Variants in PHACTR2 observed in about 807,000 individuals in gnomAD.
The protein encoded by PHACTR2 is chromosome 6 open reading frame 56.
In PHACTR2, 30 loss-of-function variants were observed where a neutral mutation model predicts 76.0. The ratio of observed to expected loss-of-function variants is 0.39; its 90% confidence interval spans 0.30 to 0.54. PHACTR2 has a LOEUF of 0.54. PHACTR2 is among the 20% of genes least tolerant of loss of function. PHACTR2 has a pLI of 0.61. For synonymous variants in PHACTR2, 292 were observed against 292.5 expected (o/e 1.00, Z 0.02); for missense variants, 696 against 781.1 (o/e 0.89, Z 1.30).
At chr6:143,673,347 C>G (rs563963131), upstream of PHACTR2, among the ~76,000 whole-genome samples, 4 of 151,440 alleles carry the variant, frequency 2.6e-5, no homozygotes, top group South Asian at 2.1e-4. Context: ...TTTGTCCATA[C>G]TTGGAAGTTA....
intron 1 of PHACTR2, among the ~76,000 whole-genome samples, chr6:143,573,180 C>T (rs1775467627): frequency 6.6e-6 from 1 of 152,120 alleles, no homozygotes; most frequent in African/African-American, 2.4e-5. Context: ...GTTGAAAATG[C>T]CTTAGTGTTA....
chr6:143,622,553 G>T (rs1048583330), intron 1 of PHACTR2, among the ~76,000 whole-genome samples: 4 of 152,116 alleles, frequency 2.6e-5, no homozygotes, highest in African/African-American at 9.7e-5. Context: ...CCAAGCTACA[G>T]AATGTTCTAT....
rs553339779 is a variant in PHACTR2 at position 143,824,628 on chromosome 6, T to C, written c.*939T>C. 2.0e-5 allele frequency: 3 copies of C among 152,742 alleles called. No homozygotes were observed. The highest frequency in any genetic ancestry group is 7.2e-5 in the African/African-American group (3 of 41,564). 9.5% of individuals were successfully genotyped at this position (152,742 alleles called of 1,614,324 possible). On this transcript the variant is annotated 3_prime_UTR_variant, in exon 13 of 13. Transcript: ENST00000440869. This position sits in a 1 kb window ranked among gnomAD's most constrained non-coding sequence, Gnocchi z 6.3. ...ATACTTCACCTAGAGAAGACAGTATTGGCAATCATGACACCTGTAATAAAA... is the reference window on the plus strand; with the variant it reads ...ATACTTCACCTAGAGAAGACAGTATCGGCAATCATGACACCTGTAATAAAA...
intron 6 of PHACTR2, among the ~76,000 whole-genome samples, chr6:143,770,214 C>A (rs182282202): frequency 2.6e-5 from 4 of 152,218 alleles, no homozygotes; most frequent in Admixed American, 2.0e-4. Context: ...AATGAAGGAA[C>A]CTTGAAGACA....
At chr6:143,542,155 T>C (rs1584049305) in intron 1 of PHACTR2, among the ~76,000 whole-genome samples, 1 of 152,200 alleles carries the variant, frequency 6.6e-6, no homozygotes, top group Non-Finnish European at 1.5e-5. Flanking sequence ...CAGGTGCTGG[T>C]GGGCTCAGGT....
In PHACTR2 at chr6:143,589,672, T is replaced by G. The variant is rs1412581942; in HGVS notation, c.217+52465T>G. 6.6e-6 allele frequency among the ~76,000 whole-genome samples: 1 copy of G among 152,166 alleles called. No homozygotes were observed. The highest frequency in any genetic ancestry group is 1.9e-4 in the East Asian group (1 of 5,190). On this transcript the variant is annotated intron_variant, in intron 1 of 11. Coordinates refer to the PHACTR2 transcript ENST00000367584. The surrounding 1 kb of genome is among the most constrained non-coding windows in gnomAD (Gnocchi z 4.4). Reference sequence around the variant, plus strand: ...CCAGCCAGATTGAAGTGGGGCTCACTCTAACAGCTTCATTTTAATACCATC... The same window carrying G: ...CCAGCCAGATTGAAGTGGGGCTCACGCTAACAGCTTCATTTTAATACCATC...
chr6:143,801,735 C>G lies in PHACTR2; in HGVS notation c.1846-5322C>G, dbSNP rs1450218546. 6.6e-6 allele frequency among the ~76,000 whole-genome samples: 1 copy of G among 152,138 alleles called. No individual in the cohort carries two copies. Among genetic ancestry groups the G allele is most frequent in the Non-Finnish European group, 1.5e-5 (1 of 68,030 alleles). ...AACTCATTCTCCGTCCAGTTTTGTT[C>G]CCTTGCTGGCGAGGAGTTGTGATCC... On this transcript the variant is annotated intron_variant, in intron 11 of 12. Coordinates refer to ENST00000440869, the MANE Select transcript of PHACTR2 (RefSeq NM_001100164.2). This position sits in a 1 kb window ranked among gnomAD's most constrained non-coding sequence, Gnocchi z 4.6.
rs1274022841 is a variant in PHACTR2, at chr6:143,571,905, TG to T, written c.217+34701del. ...TCTTGGAAAATTAATATTTACCATA[TG>T]GGAGATCTCTATGTAGGAGATATTA... is the stretch of plus-strand genomic sequence containing the variant. On this transcript the variant is annotated intron_variant, in intron 1 of 11. Coordinates refer to the PHACTR2 transcript ENST00000367584. The surrounding 1 kb of genome is among the most constrained non-coding windows in gnomAD (Gnocchi z 4.6). Among the ~76,000 whole-genome samples the T allele has an allele frequency of 6.6e-6, 1 of 152,214 alleles. No homozygotes were observed. The highest frequency in any genetic ancestry group is 1.5e-5 in the Non-Finnish European group (1 of 68,044).
chr6:143,781,199 C>T lies in PHACTR2; in HGVS notation c.1646-2020C>T, dbSNP rs545398939. 4.6e-5 allele frequency among the ~76,000 whole-genome samples: 7 copies of T among 152,294 alleles called. No individual in the cohort carries two copies. In the South Asian group the frequency reaches 1.5e-3, roughly 32 times the overall value. ...TCGTCCTCTAACTTCACTAAAAGTA[C>T]AATTTTGAACATGGAAAACTTAAAG... On this transcript the variant is annotated intron_variant, in intron 9 of 12. Transcript: ENST00000440869.
chr6:143,771,090 A>T (rs1775090099), intron 6 of PHACTR2, among the ~76,000 whole-genome samples: 1 of 139,318 alleles, frequency 7.2e-6, no homozygotes, highest in Non-Finnish European at 1.6e-5. Context: ...TACTATTTAC[A>T]TATTGGGATA....
intron 1 of PHACTR2, among the ~76,000 whole-genome samples, chr6:143,668,838 T>G (rs1777094653): frequency 6.6e-6 from 1 of 152,326 alleles, no homozygotes; most frequent in South Asian, 2.1e-4. Context: ...GATTCATTTA[T>G]TTTTTGAAGG....
chr6:143,711,572 TTA>T (rs1368465402), intron 1 of PHACTR2, among the ~76,000 whole-genome samples: 1 of 152,246 alleles, frequency 6.6e-6, no homozygotes, highest in Non-Finnish European at 1.5e-5. Context: ...GCACCAAATT[TTA>T]TTTTGTGAAT....
Position 143,618,198 on chromosome 6 carries a change from G to A in PHACTR2, c.13+9876G>A, listed in dbSNP as rs1380742541. On this transcript the variant is annotated intron_variant, in intron 1 of 11. Coordinates refer to the PHACTR2 transcript ENST00000305766. This position sits in a 1 kb window ranked among gnomAD's most constrained non-coding sequence, Gnocchi z 5.2. ...TGTATCCATGTGACTTACCACAGGC[G>A]CCCTGCTTTTTAGTGATAGAGAAAT... Among the ~76,000 whole-genome samples, 1 of 151,120 alleles carries A rather than the reference G, an allele frequency of 6.6e-6. No homozygotes were observed. The highest frequency in any genetic ancestry group is 1.5e-5 in the Non-Finnish European group (1 of 67,964).
chr6:143,665,722 C>T (rs966199868), intron 1 of PHACTR2, among the ~76,000 whole-genome samples: 1 of 152,194 alleles, frequency 6.6e-6, no homozygotes, highest in African/African-American at 2.4e-5. Context: ...TGTAGTCTCT[C>T]CTGGTCTCTT....
rs1256034886 is a variant in PHACTR2, at chr6:143,664,618, T to C, written c.14-47398T>C. Among the ~76,000 whole-genome samples the C allele has an allele frequency of 6.6e-5, 10 of 152,142 alleles. No homozygotes were observed. On this transcript the variant is annotated intron_variant, in intron 1 of 11. Coordinates refer to the PHACTR2 transcript ENST00000305766. The surrounding 1 kb of genome is among the most constrained non-coding windows in gnomAD (Gnocchi z 5.1). ...ACAAAGTTTAAAATTATTTAGTACATATATCTTTCCCCGATCAAAATCAGG... is the reference window on the plus strand; with the variant it reads ...ACAAAGTTTAAAATTATTTAGTACACATATCTTTCCCCGATCAAAATCAGG...
intron 2 of PHACTR2, among the ~76,000 whole-genome samples, chr6:143,746,348 G>A (rs747783484): frequency 1.3e-5 from 2 of 152,220 alleles, no homozygotes; most frequent in African/African-American, 2.4e-5. Flanking sequence ...CAATTTTAAA[G>A]AAGCAGCAAA....
At chr6:143,661,392 A>G (rs1397583104) in intron 1 of PHACTR2, among the ~76,000 whole-genome samples, 2 of 152,182 alleles carry the variant, frequency 1.3e-5, no homozygotes, top group Admixed American at 6.6e-5. Context: ...CTGGGGCTTC[A>G]TGTGGGTTTT....
rs1413384440 is a variant in PHACTR2 at position 143,663,294 on chromosome 6, A to G, written c.14-48722A>G. On this transcript the variant is annotated intron_variant, in intron 1 of 11. Transcript: ENST00000305766. The surrounding 1 kb of genome is among the most constrained non-coding windows in gnomAD (Gnocchi z 4.1). ...TTCTTCCAATTACATTTTTCATTCAAAGTTGCAGAGCACTCTCTCAACATG... is the reference window on the plus strand; with the variant it reads ...TTCTTCCAATTACATTTTTCATTCAGAGTTGCAGAGCACTCTCTCAACATG... Among the ~76,000 whole-genome samples the G allele has an allele frequency of 1.3e-5, 2 of 152,132 alleles. No individual in the cohort carries two copies. Among genetic ancestry groups the G allele is most frequent in the Non-Finnish European group, 2.9e-5 (2 of 68,010 alleles).
rs1056349089 is a variant in PHACTR2, at chr6:143,639,051, G to A, written c.13+30729G>A. 6.6e-6 allele frequency among the ~76,000 whole-genome samples: 1 copy of A among 152,202 alleles called. No homozygotes were observed. The highest frequency in any genetic ancestry group is 6.5e-5 in the Admixed American group (1 of 15,280). ...TTGTCAGGCAATAAAATTATTCAGT[G>A]TAGCATCAAAAGCCTCAGCCAAGGG... On this transcript the variant is annotated intron_variant, in intron 1 of 11. Coordinates refer to the PHACTR2 transcript ENST00000305766. This position sits in a 1 kb window ranked among gnomAD's most constrained non-coding sequence, Gnocchi z 5.0.
Sources: gnomAD v4.1 joint callset for allele counts (sites outside exome capture counted in the v4.1 genomes callset) on GRCh38, gnomAD v4.1.1 for gene constraint, Gnocchi (gnomAD v3.1) non-coding constraint, MANE v1.5 for transcripts, NCBI Gene and HGNC (gene_info 2026-07-23, HGNC 2026-07-21) for gene names.